The following SLC4A3 variants were observed in gnomAD, a reference collection of about 807,000 sequenced individuals.
SLC4A3 encodes the protein solute carrier family 4 member 3.
SLC4A3 carries 47 observed loss-of-function variants against 114.2 expected under a neutral mutation model. That is an observed-to-expected ratio of 0.41 (90% CI 0.33 to 0.52). The LOEUF (loss-of-function observed/expected upper bound fraction) is 0.52. SLC4A3 is among the 20% of genes least tolerant of loss of function. The pLI, the probability that SLC4A3 is intolerant of heterozygous loss-of-function variation, is 0.21. For missense variants in SLC4A3, 1,312 were observed against 1,668.3 expected (o/e 0.79, Z 3.72); for synonymous variants, 693 against 710.3 (o/e 0.98, Z 0.39).
At position 219,639,460 on chromosome 2, in the gene SLC4A3, G is replaced by T. The variant is rs377563433; in HGVS notation, c.3024-22G>T. ...GCCCCTGCCAGGCCAGCCACACCCC[G>T]CTCCCCACCTTCTCCCTGCAGGCTT... is the stretch of plus-strand genomic sequence containing the variant. On this transcript the variant is annotated intron_variant, in intron 19 of 22. Coordinates refer to ENST00000358055, the MANE Select transcript of SLC4A3 (RefSeq NM_005070.4). The surrounding 1 kb of genome is among the most constrained non-coding windows in gnomAD (Gnocchi z 5.9). The T allele has an allele frequency of 6.2e-7, 1 of 1,605,972 alleles. No individual in the cohort carries two copies. The highest frequency in any genetic ancestry group is 8.5e-7 in the Non-Finnish European group (1 of 1,176,216).
chr2:219,635,703 CAACCCCTGAAGAT>C lies in SLC4A3; in HGVS notation c.2004_2016del (p.Glu671CysfsTer15). On this transcript the variant is annotated frameshift_variant, in exon 14 of 23. Coordinates refer to ENST00000358055, the MANE Select transcript of SLC4A3 (RefSeq NM_005070.4). LOFTEE classifies it high-confidence loss of function. ...TCTTTGGAGTTGGGGGGCTCTGAGG[CAACCCCTGAAGAT>C]GACCCCTTGCTGCGGACGGGCTCGG... 1.3e-6 allele frequency: 2 copies of C among 1,592,476 alleles called. No individual in the cohort carries two copies. Among genetic ancestry groups the C allele is most frequent in the Non-Finnish European group, 1.7e-6 (2 of 1,172,450 alleles).
In SLC4A3 at chr2:219,636,338, T is replaced by C. The variant is rs758677711; in HGVS notation, c.2228T>C (p.Leu743Pro). The change falls in exon 15 of 23, where the codon CTG (leucine) becomes CCG (proline). Residue 743 changes from leucine (L) to proline (P), a missense_variant. This residue lies in a region of SLC4A3 where 771 missense variants were observed against 977.7 expected (regional missense o/e 0.79). Transcript: ENST00000358055. The surrounding 1 kb of genome is among the most constrained non-coding windows in gnomAD (Gnocchi z 5.5). ...GAGGGGCTGATGGGCGTGTCCGAGC[T>C]GATCGTGTCCACCGCTGTGCTCGGC... ...KTEGLMGVSE[L>P]IVSTAVLGVL... 6.2e-7 allele frequency: 1 copy of C among 1,613,738 alleles called. No individual in the cohort carries two copies. The highest frequency in any genetic ancestry group is 1.3e-5 in the African/African-American group (1 of 74,896).
In SLC4A3 at chr2:219,631,821, C is replaced by A. The variant is rs944078014; in HGVS notation, c.812-147C>A. ...TTCAGTCTTCTTATCAATGAAATGG[C>A]CACATGGGATTATGTGGTTCCCGTC... On this transcript the variant is annotated intron_variant, in intron 6 of 22. Coordinates refer to ENST00000358055, the MANE Select transcript of SLC4A3 (RefSeq NM_005070.4). This position sits in a 1 kb window ranked among gnomAD's most constrained non-coding sequence, Gnocchi z 6.3. 10 of 870,270 alleles carry A rather than the reference C, an allele frequency of 1.1e-5. No homozygotes were observed. The highest frequency in any genetic ancestry group is 1.8e-5 in the Non-Finnish European group (10 of 562,124). 53.9% of individuals were successfully genotyped at this position (870,270 alleles called of 1,614,324 possible).
chr2:219,640,370 G>T, intron 20 of SLC4A3, 60 bp from the exon 21 acceptor site: 1 of 1,559,466 alleles, frequency 6.4e-7, no homozygotes, highest in Non-Finnish European at 8.7e-7. Flanking sequence ...CCTCTTCCAG[G>T]CCTGTCCATC....
Position 219,637,586 on chromosome 2 carries a change from C to A in SLC4A3, c.2541C>A (p.Phe847Leu). 6.4e-7 allele frequency: 1 copy of A among 1,574,564 alleles called. No individual in the cohort carries two copies. The highest frequency in any genetic ancestry group is 8.7e-7 in the Non-Finnish European group (1 of 1,153,700). Reference protein sequence around the residue: ...YETFYKLYKVFTEHPLLPFYP... With the variant: ...YETFYKLYKVLTEHPLLPFYP... The stretch of plus-strand genomic sequence containing the variant: ...TCCTTGTTATCCACACACAGGTGTT[C>A]ACAGAGCACCCACTGCTGCCGTTCT... The change falls in exon 17 of 23, where the codon TTC becomes TTA. Residue 847 changes from phenylalanine to leucine, a missense_variant. Transcript: ENST00000358055. The surrounding 1 kb of genome is among the most constrained non-coding windows in gnomAD (Gnocchi z 4.6).
In SLC4A3 at chr2:219,636,835, A is replaced by G; in HGVS notation, c.2496A>G (p.Ser832=). 1 of 1,613,364 alleles carries G rather than the reference A, an allele frequency of 6.2e-7. No homozygotes were observed. The highest frequency in any genetic ancestry group is 8.5e-7 in the Non-Finnish European group (1 of 1,179,850). ...AGGAGATCTTTGCCTTTCTCATCTC[A>G]CTCATTTTCATCTACGAGACCTTCT... ...FTQEIFAFLI[S]LIFIYETFYK... The change falls in exon 16 of 23, where the codon TCA becomes TCG. Residue 832 remains serine (S), a synonymous_variant. Transcript: ENST00000358055. This position sits in a 1 kb window ranked among gnomAD's most constrained non-coding sequence, Gnocchi z 5.5.
At position 219,630,364 on chromosome 2, in the gene SLC4A3, C is replaced by T; in HGVS notation, c.811+12C>T. Reference sequence around the variant, plus strand: ...GGACGACATGAAGAGTGAGTGAGACCTTGTGGCAGCCCCCATGGTCCACTG... The same window carrying T: ...GGACGACATGAAGAGTGAGTGAGACTTTGTGGCAGCCCCCATGGTCCACTG... On this transcript the variant is annotated intron_variant, in intron 6 of 22. Transcript: ENST00000358055. The surrounding 1 kb of genome is among the most constrained non-coding windows in gnomAD (Gnocchi z 6.9). 3.2e-6 allele frequency: 5 copies of T among 1,586,234 alleles called. No individual in the cohort carries two copies. In the South Asian group the frequency reaches 5.6e-5, roughly 18 times the overall value.
In SLC4A3 at chr2:219,633,889, C is replaced by T; in HGVS notation, c.1471C>T (p.His491Tyr). 6.4e-7 allele frequency: 1 copy of T among 1,557,650 alleles called. No homozygotes were observed. The highest frequency in any genetic ancestry group is 8.7e-7 in the Non-Finnish European group (1 of 1,150,064). Residue 491 changes from histidine (H) to tyrosine (Y), a missense_variant, in exon 11 of 23, where the codon CAC becomes TAC. Around this residue, in one of 4 missense-constraint regions of SLC4A3, gnomAD observed 771 missense variants for 977.7 expected, o/e 0.79. Coordinates refer to ENST00000358055, the MANE Select transcript of SLC4A3 (RefSeq NM_005070.4). ...HDPDAKEKPL[H>Y]MPGGDGHRGK... ...AGTTCTGCGTCCTCAGAAGCCCCTC[C>T]ACATGCCTGGGGGAGATGGTCACCG...
rs540408725 is a variant in SLC4A3, at chr2:219,628,737, C to A, written c.217+167C>A. 1.3e-5 allele frequency: 10 copies of A among 745,598 alleles called. No homozygotes were observed. The highest frequency in any genetic ancestry group is 9.5e-5 in the South Asian group (5 of 52,482). 46.2% of individuals were successfully genotyped at this position (745,598 alleles called of 1,614,324 possible). On this transcript the variant is annotated intron_variant, in intron 3 of 22. Coordinates refer to ENST00000358055, the MANE Select transcript of SLC4A3 (RefSeq NM_005070.4). This position sits in a 1 kb window ranked among gnomAD's most constrained non-coding sequence, Gnocchi z 4.8. ...CCGTGTTCAGTCATCCTGCCTCCCC[C>A]ACCCATCGCCTGTCCGCCTGCCTGG...
Position 219,640,943 on chromosome 2 carries a change from A to G in SLC4A3, c.3602A>G (p.Gln1201Arg), listed in dbSNP as rs748065915. 6.2e-7 allele frequency: 1 copy of G among 1,607,096 alleles called. No homozygotes were observed. The highest frequency in any genetic ancestry group is 1.7e-5 in the Admixed American group (1 of 60,012). ...LRHCLLPRLF[Q>R]DRELQALDSE... is the part of the protein sequence containing the mutation. ...CATTGCCTTCTGCCCCGGCTCTTCC[A>G]GGACAGGGAGCTGCAGGCGGTAAGG... The change falls in exon 22 of 23, where the codon CAG becomes CGG. Residue 1201 changes from glutamine to arginine, a missense_variant. Physicochemically the swap from Gln to Arg is conservative, Grantham distance 43. Transcript: ENST00000358055.
At position 219,639,569 on chromosome 2, in the gene SLC4A3, C is replaced by G; in HGVS notation, c.3111C>G (p.Leu1037=). ...DLLLIGSLGG[L]CGLFGLPWLT... is the part of the protein sequence containing the mutation. The stretch of plus-strand genomic sequence containing the variant: ...TCCTCATTGGCTCCCTGGGGGGGCT[C>G]TGTGGGCTGTTTGGGTTGCCCTGGC... The change falls in exon 20 of 23, where the codon CTC becomes CTG. Residue 1037 remains leucine (L), a synonymous_variant. Transcript: ENST00000358055. The surrounding 1 kb of genome is among the most constrained non-coding windows in gnomAD (Gnocchi z 5.9). 1.2e-6 allele frequency: 2 copies of G among 1,614,106 alleles called. No individual in the cohort carries two copies. Among genetic ancestry groups the G allele is most frequent in the Non-Finnish European group, 1.7e-6 (2 of 1,180,038 alleles).
Position 219,628,861 on chromosome 2 carries a change from G to T in SLC4A3, c.218-283G>T. 1 of 579,234 alleles carries T rather than the reference G, an allele frequency of 1.7e-6. No individual in the cohort carries two copies. The highest frequency in any genetic ancestry group is 3.0e-6 in the Non-Finnish European group (1 of 332,078). The allele number at this position is 579,234 out of a possible 1,614,324, so 35.9% of individuals were successfully genotyped here. A position where few individuals can be genotyped will look rare whatever the true frequency, so the allele number is the denominator to read the frequency against. ...CTTCGTCCCCACTCACTCCCTCCTT[G>T]TCCCACCTCGGCTAGTCCAACTCCG... is the stretch of plus-strand genomic sequence containing the variant. On this transcript the variant is annotated intron_variant, in intron 3 of 22. Transcript: ENST00000358055. This position sits in a 1 kb window ranked among gnomAD's most constrained non-coding sequence, Gnocchi z 4.8.
At position 219,629,392 on chromosome 2, in the gene SLC4A3, C is replaced by A; in HGVS notation, c.466C>A (p.Pro156Thr). Residue 156 changes from proline to threonine, a missense_variant, in exon 4 of 23, where the codon CCC becomes ACC. Coordinates refer to ENST00000358055, the MANE Select transcript of SLC4A3 (RefSeq NM_005070.4). ...GESEAEPVEP[P>T]HSGTPQKAKF... ...ATCTGAGGCAGAACCTGTGGAGCCC[C>A]CCCACTCAGGGACCCCACAGAAGGC... The A allele has an allele frequency of 1.3e-6, 2 of 1,589,722 alleles. No homozygotes were observed. The highest frequency in any genetic ancestry group is 1.7e-6 in the Non-Finnish European group (2 of 1,167,854).
In SLC4A3 at chr2:219,640,616, T is replaced by TG; in HGVS notation, c.3447+22dup. On this transcript the variant is annotated intron_variant, in intron 21 of 22. Coordinates refer to ENST00000358055, the MANE Select transcript of SLC4A3 (RefSeq NM_005070.4). Reference sequence around the variant, plus strand: ...GTGACCAAGGTAGGGCCGGGAAGCATGGGGGTAGGGCAGTGGGGTGACGGG... The same window carrying TG: ...GTGACCAAGGTAGGGCCGGGAAGCATGGGGGGTAGGGCAGTGGGGTGACGGG... 1.2e-6 allele frequency: 2 copies of TG among 1,611,618 alleles called. No individual in the cohort carries two copies.
In SLC4A3 at chr2:219,634,454, C is replaced by T. The variant is rs1283419745; in HGVS notation, c.1596C>T (p.Ala532=). ...CTTTCTTGGAGCAGCCTGCAGCAGC[C>T]TTCGTGCGTCTGAATGAGGCTGTAC... ...CVPFLEQPAA[A]FVRLNEAVLL... is the part of the protein sequence containing the mutation. Residue 532 remains alanine (A), a synonymous_variant, in exon 12 of 23, where the codon GCC becomes GCT. Transcript: ENST00000358055. 2 of 1,614,174 alleles carry T rather than the reference C, an allele frequency of 1.2e-6. No homozygotes were observed. Among genetic ancestry groups the T allele is most frequent in the East Asian group, 4.5e-5 (2 of 44,876 alleles).
chr2:219,636,257 GAT>G lies in SLC4A3; in HGVS notation c.2192-43_2192-42del. ...GACAAGCTAGATGAAGAAGGGGGCA[GAT>G]AGACAGAGCCAGGCTAGGGCCATCC... On this transcript the variant is annotated intron_variant, in intron 14 of 22. Transcript: ENST00000358055. The surrounding 1 kb of genome is among the most constrained non-coding windows in gnomAD (Gnocchi z 5.5). 1 of 1,608,952 alleles carries G rather than the reference GAT, an allele frequency of 6.2e-7. No individual in the cohort carries two copies.
chr2:219,631,886 T>C lies in SLC4A3; in HGVS notation c.812-82T>C. ...GTGACTGTAGAGCTCACCAAGTAGATGGGTTGGGCAGAAGGAGCTGGGCCG... is the reference window on the plus strand; with the variant it reads ...GTGACTGTAGAGCTCACCAAGTAGACGGGTTGGGCAGAAGGAGCTGGGCCG... On this transcript the variant is annotated intron_variant, in intron 6 of 22. Coordinates refer to ENST00000358055, the MANE Select transcript of SLC4A3 (RefSeq NM_005070.4). The surrounding 1 kb of genome is among the most constrained non-coding windows in gnomAD (Gnocchi z 6.3). 6.9e-7 allele frequency: 1 copy of C among 1,455,188 alleles called. No homozygotes were observed. The highest frequency in any genetic ancestry group is 9.3e-7 in the Non-Finnish European group (1 of 1,078,702). The allele number at this position is 1,455,188 out of a possible 1,614,324, so 90.1% of individuals were successfully genotyped here.
chr2:219,638,956 C>A lies in SLC4A3; in HGVS notation c.3023+87C>A. On this transcript the variant is annotated intron_variant, in intron 19 of 22. Transcript: ENST00000358055. The surrounding 1 kb of genome is among the most constrained non-coding windows in gnomAD (Gnocchi z 7.5). ...GGTTTCAGGGTTATAGCAGGGACAT[C>A]ATTATCAGTATCAGGGTGCTGGGTG... 7.1e-7 allele frequency: 1 copy of A among 1,407,162 alleles called. No homozygotes were observed. Among genetic ancestry groups the A allele is most frequent in the Non-Finnish European group, 9.8e-7 (1 of 1,016,804 alleles). The allele number at this position is 1,407,162 out of a possible 1,614,324, so 87.2% of individuals were successfully genotyped here.
chr2:219,631,992 G>C lies in SLC4A3; in HGVS notation c.836G>C (p.Gly279Ala). 6.2e-7 allele frequency: 1 copy of C among 1,611,770 alleles called. No homozygotes were observed. Among genetic ancestry groups the C allele is most frequent in the Non-Finnish European group, 8.5e-7 (1 of 1,178,972 alleles). ...GGTCACCGACTGGAGGACAACCCTG[G>C]TGTGCGGCGACACTTAGTGAAAAAG... ...MKSHRLEDNP[G>A]VRRHLVKKPS... is the part of the protein sequence containing the mutation. Residue 279 changes from glycine to alanine, a missense_variant, in exon 7 of 23, where the codon GGT (glycine) becomes GCT (alanine). Gly to Ala is a moderately conservative substitution (Grantham distance 60). Coordinates refer to ENST00000358055, the MANE Select transcript of SLC4A3 (RefSeq NM_005070.4). The surrounding 1 kb of genome is among the most constrained non-coding windows in gnomAD (Gnocchi z 6.3).
Sources: gnomAD v4.1 joint callset for allele counts on GRCh38, gnomAD v4.1.1 for gene constraint, gnomAD v4.1.1 regional missense constraint, Gnocchi (gnomAD v3.1) non-coding constraint, MANE v1.5 for transcripts, NCBI Gene and HGNC (gene_info 2026-07-23, HGNC 2026-07-21) for gene names.